SLC8A1: variants seen among roughly 807,000 people sequenced by gnomAD.
The protein encoded by SLC8A1 is sodium/calcium exchanger 1.
A neutral mutation model predicts 68.3 loss-of-function variants in SLC8A1; 18 were observed. That is an observed-to-expected ratio of 0.26 (90% CI 0.18 to 0.39). The LOEUF (loss-of-function observed/expected upper bound fraction) is 0.39, where lower values mean the gene tolerates loss of function less well. Among genes scored for constraint, SLC8A1 ranks in the 10% least tolerant of loss-of-function variants. The probability of loss-of-function intolerance (pLI) is 1.00; values close to 1 mark genes in which losing one functional copy is unlikely to be tolerated. For synonymous variants in SLC8A1, 475 were observed against 415.5 expected, an observed-to-expected ratio of 1.14 and a Z score of -1.74; for missense variants, 985 against 1,156.7, an observed-to-expected ratio of 0.85 and a Z score of 2.15.
At chr2:40,311,329 T>A (rs940689150) in intron 2 of SLC8A1, among the ~76,000 whole-genome samples, 5 of 152,090 alleles carry the variant, frequency 3.3e-5, no homozygotes, top group Admixed American at 3.3e-4. Context: ...TTTAAATCAG[T>A]TTCTTCTAGC....
chr2:40,423,155 C>A (rs547643236), intron 2 of SLC8A1, among the ~76,000 whole-genome samples: 1 of 152,110 alleles, frequency 6.6e-6, no homozygotes, highest in East Asian at 1.9e-4. Context: ...TTTTACTTAG[C>A]CTTTCATTAA....
At position 40,260,127 on chromosome 2, in the gene SLC8A1, A is replaced by G. The variant is rs2149090044; in HGVS notation, c.1809-82272T>C. On this transcript the variant is annotated intron_variant, in intron 2 of 7. Transcript: ENST00000406785. ...ATGACTCATTTCCTTAGTCCAAGAAAGTGAACACAGGCTTGATTCTCTCTC... is the reference window on the plus strand; with the variant it reads ...ATGACTCATTTCCTTAGTCCAAGAAGGTGAACACAGGCTTGATTCTCTCTC... Among the ~76,000 whole-genome samples, 3 of 152,364 alleles carry G rather than the reference A, an allele frequency of 2.0e-5. No homozygotes were observed. In the South Asian group the frequency reaches 6.2e-4, roughly 32 times the overall value.
chr2:40,412,905 ATTTT>A lies in SLC8A1; in HGVS notation c.1808+15564_1808+15567del. ...GTATTTTTTCTGGTTATCATTGCTG[ATTTT>A]TTTTTATTATACTTTAAGTTTTAGG... On this transcript the variant is annotated intron_variant, in intron 2 of 7. Transcript: ENST00000406785. 4.6e-5 allele frequency among the ~76,000 whole-genome samples: 7 copies of A among 151,748 alleles called. No individual in the cohort carries two copies. In the South Asian group the frequency reaches 1.5e-3, roughly 32 times the overall value.
intron 2 of SLC8A1, among the ~76,000 whole-genome samples, chr2:40,346,047 TAAAAA>T (rs774555210): frequency 2.9e-3 from 119 of 41,710 alleles, no homozygotes; most frequent in South Asian, 8.0e-3. Flanking sequence ...ACATTAACAG[TAAAAA>T]AAAAAAAAAA....
chr2:40,317,005 C>T (rs76657253), intron 2 of SLC8A1, among the ~76,000 whole-genome samples: 2,143 of 152,082 alleles, frequency 0.014, 52 homozygotes, highest in African/African-American at 0.049. Flanking sequence ...AATTTTTCTA[C>T]TTTGTTCACT....
chr2:40,466,182 T>G (rs777995392), intron 1 of SLC8A1, among the ~76,000 whole-genome samples: 3 of 152,172 alleles, frequency 2.0e-5, no homozygotes, highest in Non-Finnish European at 4.4e-5. Context: ...TACCCTCACA[T>G]TTATAACTCT....
intron 4 of SLC8A1, among the ~76,000 whole-genome samples, chr2:40,169,417 G>A (rs1202626312): frequency 6.6e-6 from 1 of 152,146 alleles, no homozygotes; most frequent in Non-Finnish European, 1.5e-5. Flanking sequence ...TTTGATTGGA[G>A]GCTAAAGTGA....
chr2:40,174,639 G>A (rs933273665), intron 4 of SLC8A1, 67 bp downstream of exon 6: 2 of 1,330,562 alleles, frequency 1.5e-6, no homozygotes, highest in African/African-American at 1.5e-5. Flanking sequence ...TACATAAGAT[G>A]TAGGTTTGGA....
chr2:40,142,989 C>T (rs189438504), intron 6 of SLC8A1, among the ~76,000 whole-genome samples: 7 of 151,530 alleles, frequency 4.6e-5, no homozygotes, highest in African/African-American at 7.3e-5. Flanking sequence ...AGAGAGAGAA[C>T]GTGTGTTCTT....
exon 8 of SLC8A1, chr2:40,110,399 T>C (rs2034487857): frequency 6.6e-6 from 1 of 152,184 alleles, no homozygotes; most frequent in Non-Finnish European, 1.5e-5. Context: ...TAAAAAAGAA[T>C]AGCAGAACTA....
chr2:40,476,600 A>T (rs1238205026), intron 1 of SLC8A1, among the ~76,000 whole-genome samples: 1 of 152,176 alleles, frequency 6.6e-6, no homozygotes, highest in Non-Finnish European at 1.5e-5. Context: ...ATGGGACAAG[A>T]TTAGTCTGGG....
chr2:40,252,827 T>TTGGA (rs1323041399), intron 2 of SLC8A1, among the ~76,000 whole-genome samples: 1,643 of 116,356 alleles, frequency 0.014, 26 homozygotes, highest in African/African-American at 0.054. Flanking sequence ...TATATATGTA[T>TTGGA]ATACATGTGT....
chr2:40,342,196 C>T (rs914829648), intron 2 of SLC8A1, among the ~76,000 whole-genome samples: 1 of 151,954 alleles, frequency 6.6e-6, no homozygotes, highest in African/African-American at 2.4e-5. Context: ...TAGTTTATGG[C>T]CCTATAGATA....
chr2:40,108,555 A>G (rs1409118416), exon 8 of SLC8A1: 5 of 152,282 alleles, frequency 3.3e-5, no homozygotes, highest in East Asian at 3.9e-4. Context: ...TGAATGTACA[A>G]TCTTTCAAGA....
At chr2:40,338,451 C>G (rs1030384669) in intron 2 of SLC8A1, among the ~76,000 whole-genome samples, 8 of 152,126 alleles carry the variant, frequency 5.3e-5, no homozygotes, top group African/African-American at 1.9e-4. Flanking sequence ...TCTGAGAACT[C>G]TGAGCCTGCT....
intron 2 of SLC8A1, among the ~76,000 whole-genome samples, chr2:40,218,722 T>TG (rs1401617794): frequency 4.8e-5 from 5 of 103,918 alleles, no homozygotes; most frequent in Non-Finnish European, 1.0e-4. Flanking sequence ...AACATTCTTC[T>TG]GGGGGAAAAA....
intron 2 of SLC8A1, among the ~76,000 whole-genome samples, chr2:40,255,795 G>GAAA (rs1421687459): frequency 1.3e-5 from 2 of 152,134 alleles, no homozygotes; most frequent in African/African-American, 4.8e-5. Flanking sequence ...GCTTGTGGCA[G>GAAA]AAAAGGAAGC....
intron 2 of SLC8A1, among the ~76,000 whole-genome samples, chr2:40,193,981 A>C (rs933180449): frequency 5.3e-5 from 8 of 152,164 alleles, no homozygotes; most frequent in African/African-American, 1.7e-4. Context: ...TCTGTGGGTT[A>C]GAGAAAACAA....
intron 2 of SLC8A1, among the ~76,000 whole-genome samples, chr2:40,259,680 C>T (rs2064426638): frequency 6.6e-6 from 1 of 152,084 alleles, no homozygotes; most frequent in Non-Finnish European, 1.5e-5. Context: ...TTCTTAGAAG[C>T]CTCTTTTCTT....
Sources: allele counts gnomAD v4.1 joint callset (sites outside exome capture counted in the v4.1 genomes callset), GRCh38; gene constraint gnomAD v4.1.1; transcripts MANE v1.5; gene names NCBI Gene and HGNC (gene_info 2026-07-23, HGNC 2026-07-21).